The following CCDC13 variants were observed in gnomAD, a reference collection of about 807,000 sequenced individuals.
The protein encoded by CCDC13 is coiled-coil domain containing 13.
CCDC13 carries 70 observed loss-of-function variants against 87.3 expected under a neutral mutation model. That is an observed-to-expected ratio of 0.80 (90% CI 0.66 to 0.98). The LOEUF (loss-of-function observed/expected upper bound fraction) is 0.98. Among genes scored for constraint, CCDC13 ranks in the 50% least tolerant of loss-of-function variants. CCDC13 has a pLI of 0.00. For synonymous variants in CCDC13, 317 were observed against 360.3 expected, an observed-to-expected ratio of 0.88 and a Z score of 1.36; for missense variants, 842 against 892.0, an observed-to-expected ratio of 0.94 and a Z score of 0.71.
At chr3:42,715,142 CA>C (rs35875657) in intron 13 of CCDC13, among the ~76,000 whole-genome samples, 68,568 of 139,502 alleles carry the variant, frequency 0.49, 16,848 homozygotes, top group East Asian at 0.81. Context: ...ACTAAAAATA[CA>C]AAAAAAAAAA....
At chr3:42,715,867 C>T (rs555578010) in intron 13 of CCDC13, among the ~76,000 whole-genome samples, 23 of 152,150 alleles carry the variant, frequency 1.5e-4, no homozygotes, top group Non-Finnish European at 3.2e-4. Context: ...CCACGGGATG[C>T]GGCAAGAAGG....
chr3:42,710,749 G>T (rs1292634355), intron 14 of CCDC13, among the ~76,000 whole-genome samples: 1 of 152,192 alleles, frequency 6.6e-6, no homozygotes, highest in Non-Finnish European at 1.5e-5. Context: ...CATTGCTGGG[G>T]AGGCAGCAGA....
chr3:42,768,668 G>A, intron 1 of CCDC13, among the ~76,000 whole-genome samples: 1 of 150,828 alleles, frequency 6.6e-6, no homozygotes, highest in Non-Finnish European at 1.5e-5. Context: ...CTGCACTCCA[G>A]CCTGGGCTAC....
rs17074796 is a variant in CCDC13, at chr3:42,756,193, C to T, written c.370+873G>A. Reference sequence around the variant, plus strand: ...ATGCTGAGTCAGCCCTGTTGCTCTCCGTGATTGGTGACATCTATAATACTT... The same window carrying T: ...ATGCTGAGTCAGCCCTGTTGCTCTCTGTGATTGGTGACATCTATAATACTT... On this transcript the variant is annotated intron_variant, in intron 3 of 15. Transcript: ENST00000310232. Among the ~76,000 whole-genome samples the T allele has an allele frequency of 6.3e-3, 964 of 152,310 alleles. 8 individuals are homozygous for T. Among genetic ancestry groups the T allele is most frequent in the African/African-American group, 0.022 (913 of 41,546 alleles).
intron 4 of CCDC13, among the ~76,000 whole-genome samples, chr3:42,752,367 A>G (rs1699606390): frequency 6.6e-6 from 1 of 152,240 alleles, no homozygotes; most frequent in Non-Finnish European, 1.5e-5. Context: ...GTTACAGATG[A>G]ACAGATGAGG....
intron 12 of CCDC13, among the ~76,000 whole-genome samples, chr3:42,732,302 C>T (rs1698858497): frequency 6.6e-6 from 1 of 152,122 alleles, no homozygotes; most frequent in Admixed American, 6.6e-5. Flanking sequence ...GGACTGGGGC[C>T]ACTTGGAGGC....
chr3:42,727,536 G>C (rs920008879), intron 13 of CCDC13, among the ~76,000 whole-genome samples: 1 of 152,080 alleles, frequency 6.6e-6, no homozygotes, highest in Non-Finnish European at 1.5e-5. Context: ...AGTGAGTGAA[G>C]ACATTTTCAA....
chr3:42,727,417 T>C (rs1174764437), intron 13 of CCDC13, among the ~76,000 whole-genome samples: 1 of 151,672 alleles, frequency 6.6e-6, no homozygotes, highest in Non-Finnish European at 1.5e-5. Context: ...AAAATAAAAA[T>C]AAACAAATAC....
intron 3 of CCDC13, among the ~76,000 whole-genome samples, chr3:42,753,230 C>T (rs1266177950): frequency 6.6e-6 from 1 of 152,224 alleles, no homozygotes; most frequent in African/African-American, 2.4e-5. Flanking sequence ...ACAGGAAGAA[C>T]ATACCTGGCT....
At chr3:42,717,780 C>G (rs886836965) in intron 13 of CCDC13, among the ~76,000 whole-genome samples, 1 of 152,008 alleles carries the variant, frequency 6.6e-6, no homozygotes, top group Non-Finnish European at 1.5e-5. Context: ...GCTATCTCAT[C>G]TGATGCATGG....
intron 13 of CCDC13, among the ~76,000 whole-genome samples, chr3:42,721,833 C>T (rs560248957): frequency 2.0e-5 from 3 of 152,322 alleles, no homozygotes; most frequent in African/African-American, 7.2e-5. Context: ...CCTTGGGCAA[C>T]TGACCTTGTT....
chr3:42,771,281 C>G (rs1002561842), intron 1 of CCDC13, among the ~76,000 whole-genome samples: 1 of 152,120 alleles, frequency 6.6e-6, no homozygotes, highest in Non-Finnish European at 1.5e-5. Context: ...GTAAAAGATA[C>G]CAGTGATTGT....
At chr3:42,757,952 T>C (rs1024409659) in intron 2 of CCDC13, among the ~76,000 whole-genome samples, 173 bp downstream of exon 2, 2 of 152,136 alleles carry the variant, frequency 1.3e-5, no homozygotes, top group South Asian at 2.1e-4. Flanking sequence ...TTAGAATGGA[T>C]TGACCACAGA....
rs550752834 is a variant in CCDC13, at chr3:42,707,892, G to T, written c.*1088C>A. Among the ~76,000 whole-genome samples, 1 of 152,298 alleles carries T rather than the reference G, an allele frequency of 6.6e-6. No homozygotes were observed. The highest frequency in any genetic ancestry group is 2.1e-4 in the South Asian group (1 of 4,828). On this transcript the variant is annotated 3_prime_UTR_variant, in exon 16 of 16. Coordinates refer to ENST00000310232, the MANE Select transcript of CCDC13 (RefSeq NM_144719.4). ...GTGGCTATGAGTGACCCTCCTTGGGGCCACTCCTTCCTGTAGCTATAAGTG... is the reference window on the plus strand; with the variant it reads ...GTGGCTATGAGTGACCCTCCTTGGGTCCACTCCTTCCTGTAGCTATAAGTG...
Position 42,758,517 on chromosome 3 carries a change from C to G in CCDC13, c.-6-166G>C, listed in dbSNP as rs1275292964. ...ACCCTCACCTCAGATCACTAGAAAC[C>G]CAAGGTTGAACTGAGCATCCTCCCC... On this transcript the variant is annotated intron_variant, in intron 1 of 15. Transcript: ENST00000310232. Among the ~76,000 whole-genome samples, 3 of 152,170 alleles carry G rather than the reference C, an allele frequency of 2.0e-5. 1 individual carries two copies. In the South Asian group the frequency reaches 6.2e-4, roughly 31 times the overall value.
intron 13 of CCDC13, among the ~76,000 whole-genome samples, chr3:42,725,537 A>G (rs865840490): frequency 6.6e-6 from 1 of 150,972 alleles, no homozygotes; most frequent in Non-Finnish European, 1.5e-5. Flanking sequence ...CTGTCTCAAA[A>G]AAAAAAAAAA....
rs1699379870 is a variant in CCDC13 at position 42,745,911 on chromosome 3, T to C, written c.825+12A>G. ...TTTGTTCAGGCCAGGAGAAGTCTGA[T>C]GACTCACTCACCTTGCTCTGCAAAA... On this transcript the variant is annotated intron_variant, in intron 7 of 15. Coordinates refer to ENST00000310232, the MANE Select transcript of CCDC13 (RefSeq NM_144719.4). 3.1e-6 allele frequency: 5 copies of C among 1,602,562 alleles called. No homozygotes were observed. The highest frequency in any genetic ancestry group is 1.7e-4 in the Middle Eastern group (1 of 6,058).
chr3:42,772,281 A>T (rs1309201017), intron 1 of CCDC13, among the ~76,000 whole-genome samples: 2 of 31,848 alleles, frequency 6.3e-5, no homozygotes, highest in Non-Finnish European at 8.5e-5. Context: ...AAAAAAAAAA[A>T]AAAAAAAAAG....
chr3:42,757,305 C>A, intron 2 of CCDC13, 91 bp from the exon 3 acceptor site: 1 of 1,223,732 alleles, frequency 8.2e-7, no homozygotes. Context: ...GACAGATGGA[C>A]ACGCAGATGC....
Sources: allele counts gnomAD v4.1 joint callset (sites outside exome capture counted in the v4.1 genomes callset), GRCh38; gene constraint gnomAD v4.1.1; transcripts MANE v1.5; gene names NCBI Gene and HGNC (gene_info 2026-07-23, HGNC 2026-07-21).